MTMR9: variants seen among roughly 807,000 people sequenced by gnomAD.
MTMR9 encodes the protein myotubularin related protein 9.
A neutral mutation model predicts 69.5 loss-of-function variants in MTMR9; 39 were observed. The ratio of observed to expected loss-of-function variants is 0.56; its 90% CI spans 0.43 to 0.73. The LOEUF is 0.73. Ranked by LOEUF, MTMR9 falls within the 30% of genes least tolerant of loss-of-function variation. The pLI is 0.00. For synonymous variants in MTMR9, 354 were observed against 240.8 expected, an observed-to-expected ratio of 1.47 and a Z score of -4.35; for missense variants, 900 against 671.2, an observed-to-expected ratio of 1.34 and a Z score of -3.77.
At chr8:11,296,401 T>G (rs1303270034) in intron 2 of MTMR9, among the ~76,000 whole-genome samples, 1 of 152,176 alleles carries the variant, frequency 6.6e-6, no homozygotes, top group Non-Finnish European at 1.5e-5. Context: ...TTAAAAAAAT[T>G]GTGGTTAGAA....
Position 11,304,940 on chromosome 8 carries a change from C to G in MTMR9, c.517C>G (p.Leu173Val), listed in dbSNP as rs199922354. 105 of 1,614,032 alleles carry G rather than the reference C, an allele frequency of 6.5e-5. No homozygotes were observed. The East Asian group carries it at 2.2e-3, about 33-fold the overall frequency. The change falls in exon 4 of 10, where the codon CTT (leucine) becomes GTT (valine). Residue 173 changes from leucine to valine, a missense_variant. Coordinates refer to ENST00000221086, the MANE Select transcript of MTMR9 (RefSeq NM_015458.4). ...GCCCAAATCCATCGATGATGAAGCT[C>G]TTCGGAAGGTAGCTACATTTCGACA... The part of the protein sequence containing the change: ...TVPKSIDDEA[L>V]RKVATFRHGG...
Position 11,298,720 on chromosome 8 carries a change from A to ACCC in MTMR9, c.292-1295_292-1293dup, listed in dbSNP as rs1554501121. On this transcript the variant is annotated intron_variant, in intron 2 of 9. Coordinates refer to ENST00000221086, the MANE Select transcript of MTMR9 (RefSeq NM_015458.4). ...TGATATGGTATCCTTTCCCCGCTGC[A>ACCC]CCCCCCCCCCGCCATCCAGTATAGA... 8.7e-5 allele frequency: 63 copies of ACCC among 727,984 alleles called. No homozygotes were observed. In the African/African-American group the frequency reaches 1.3e-3, roughly 15 times the overall value. The allele number at this position is 727,984 out of a possible 1,614,324, so 45.1% of individuals were successfully genotyped here.
chr8:11,335,090 G>A, the MTMR9 span, among the ~76,000 whole-genome samples: 1 of 152,120 alleles, frequency 6.6e-6, no homozygotes, highest in Admixed American at 6.5e-5. Flanking sequence ...CAATGAGACA[G>A]AAACAGAAAA....
chr8:11,286,698 A>G (rs1314790919), intron 1 of MTMR9, among the ~76,000 whole-genome samples: 19 of 147,408 alleles, frequency 1.3e-4, no homozygotes, highest in Non-Finnish European at 1.9e-4. Context: ...AAAAGTCTTC[A>G]GTGGTCTCTC....
chr8:11,310,493 C>T (rs918777700), intron 6 of MTMR9, among the ~76,000 whole-genome samples: 1 of 152,082 alleles, frequency 6.6e-6, no homozygotes, highest in Non-Finnish European at 1.5e-5. Context: ...TAGAGAAATT[C>T]ATAATAGAAT....
intron 1 of MTMR9, among the ~76,000 whole-genome samples, chr8:11,294,308 A>G (rs747183167): frequency 3.9e-5 from 6 of 151,998 alleles, no homozygotes; most frequent in Non-Finnish European, 7.4e-5. Context: ...GTTATTCATG[A>G]TTTTAGAGAG....
At position 11,327,870 on chromosome 8, in the gene MTMR9, A is replaced by T. The variant is rs530277373; in HGVS notation, c.*5082A>T. ...GAAAAAAAAAAGCAGAACTTTTGTA[A>T]GTCTGTGTAACATTTTAATATTGTT... is the stretch of plus-strand genomic sequence containing the variant. On this transcript the variant is annotated 3_prime_UTR_variant, in exon 10 of 10. Transcript: ENST00000221086. 1 of 152,596 alleles carries T rather than the reference A, an allele frequency of 6.6e-6. No homozygotes were observed. Among genetic ancestry groups the T allele is most frequent in the South Asian group, 2.1e-4 (1 of 4,832 alleles). 9.5% of individuals were successfully genotyped at this position (152,596 alleles called of 1,614,324 possible).
intron 6 of MTMR9, among the ~76,000 whole-genome samples, chr8:11,310,461 T>C (rs927604236): frequency 6.6e-6 from 1 of 152,216 alleles, no homozygotes; most frequent in African/African-American, 2.4e-5. Context: ...TAGGGAAATA[T>C]ATACCTAATT....
the MTMR9 span, among the ~76,000 whole-genome samples, chr8:11,338,571 C>G: frequency 6.6e-6 from 1 of 152,210 alleles, no homozygotes; most frequent in Non-Finnish European, 1.5e-5. Flanking sequence ...ACCAGGGGAA[C>G]CTTTTCCACA....
chr8:11,321,346 A>G (rs768054772), intron 9 of MTMR9: 1 of 453,850 alleles, frequency 2.2e-6, no homozygotes, highest in East Asian at 7.0e-5. Context: ...ACGAGAGGTT[A>G]CAGTATTCTT....
intron 7 of MTMR9, 99 bp from the exon 8 acceptor site, chr8:11,316,573 AC>A: frequency 4.6e-6 from 3 of 652,496 alleles, no homozygotes; most frequent in Non-Finnish European, 7.6e-6. Context: ...TGTTCCAGGT[AC>A]TAGGAGTGTC....
In MTMR9 at chr8:11,325,857, C is replaced by T. The variant is rs1348246873; in HGVS notation, c.*3069C>T. The stretch of plus-strand genomic sequence containing the variant: ...ACAATCTATAAATGTATTTTATTTC[C>T]AAGAAAACTTAGGGTCTCAAAGCAA... On this transcript the variant is annotated 3_prime_UTR_variant, in exon 10 of 10. Transcript: ENST00000221086. 1 of 151,696 alleles carries T rather than the reference C, an allele frequency of 6.6e-6. No homozygotes were observed. Among genetic ancestry groups the T allele is most frequent in the Non-Finnish European group, 1.5e-5 (1 of 67,938 alleles). The allele number at this position is 151,696 out of a possible 1,614,324, so 9.4% of individuals were successfully genotyped here. A position where few individuals can be genotyped will look rare whatever the true frequency, so the allele number is the denominator to read the frequency against.
At position 11,322,908 on chromosome 8, in the gene MTMR9, C is replaced by A; in HGVS notation, c.*120C>A. 1 of 796,406 alleles carries A rather than the reference C, an allele frequency of 1.3e-6. No homozygotes were observed. The highest frequency in any genetic ancestry group is 2.0e-6 in the Non-Finnish European group (1 of 508,880). The allele number at this position is 796,406 out of a possible 1,614,324, so 49.3% of individuals were successfully genotyped here. On this transcript the variant is annotated 3_prime_UTR_variant, in exon 10 of 10. Coordinates refer to ENST00000221086, the MANE Select transcript of MTMR9 (RefSeq NM_015458.4). ...AAGTGAAGGCTTTAGATGTGGGACC[C>A]CCCTAATGTAATGGATTTCTCAATA...
At chr8:11,317,069 C>T (rs926943478) in intron 8 of MTMR9, 176 bp downstream of exon 8, 3 of 459,034 alleles carry the variant, frequency 6.5e-6, no homozygotes, top group Admixed American at 7.7e-5. Context: ...TTTATGAGAG[C>T]ATGTCCTAGA....
At chr8:11,335,308 C>G in the MTMR9 span, among the ~76,000 whole-genome samples, 1 of 152,104 alleles carries the variant, frequency 6.6e-6, no homozygotes, top group African/African-American at 2.4e-5. Flanking sequence ...TTAAAAATAT[C>G]ATTTACATTA....
At chr8:11,313,153 C>G (rs1421795973) in intron 6 of MTMR9, among the ~76,000 whole-genome samples, 1 of 152,198 alleles carries the variant, frequency 6.6e-6, no homozygotes, top group Admixed American at 6.5e-5. Flanking sequence ...TTTTCGCTGA[C>G]AAGAGAGTTT....
chr8:11,296,553 G>A (rs958969215), intron 2 of MTMR9, among the ~76,000 whole-genome samples: 1 of 152,088 alleles, frequency 6.6e-6, no homozygotes, highest in Non-Finnish European at 1.5e-5. Context: ...CCTCTCTCCA[G>A]CTCCTGAGAA....
intron 2 of MTMR9, among the ~76,000 whole-genome samples, chr8:11,296,100 C>CATAT (rs35367405): frequency 1.7e-4 from 26 of 151,580 alleles, no homozygotes; most frequent in South Asian, 6.2e-4. Flanking sequence ...CATATTATTA[C>CATAT]ATATATATAT....
At chr8:11,306,443 G>T in intron 5 of MTMR9, 36 bp downstream of exon 5, 2 of 1,586,282 alleles carry the variant, frequency 1.3e-6, no homozygotes, top group Non-Finnish European at 1.7e-6. Context: ...ACTCTTATTA[G>T]AAGCTAATTA....
Sources: allele counts gnomAD v4.1 joint callset (sites outside exome capture counted in the v4.1 genomes callset), GRCh38; gene constraint gnomAD v4.1.1; transcripts MANE v1.5; gene names NCBI Gene and HGNC (gene_info 2026-07-23, HGNC 2026-07-21).